Variants in CA9 observed in about 807,000 individuals in gnomAD.
CA9 encodes the protein CA-IX.
CA9 carries 43 observed loss-of-function variants against 51.8 expected under a neutral mutation model. The observed-to-expected ratio is 0.83, with a 90% CI of 0.65 to 1.07. CA9 has a LOEUF of 1.07. CA9 is among the 50% of genes least tolerant of loss of function. The pLI is 0.00. For missense variants in CA9, 574 were observed against 581.4 expected, an observed-to-expected ratio of 0.99 and a Z score of 0.13; for synonymous variants, 253 against 244.2, an observed-to-expected ratio of 1.04 and a Z score of -0.34.
rs548055098 is a variant in CA9, at chr9:35,680,804, C to A, written c.1289C>A (p.Ala430Glu). The change falls in exon 10 of 11, where the codon GCG becomes GAG. Residue 430 changes from alanine (A) to glutamate (E), a missense_variant. Physicochemically the swap from Ala to Glu is moderately radical, Grantham distance 107. Coordinates refer to ENST00000378357, the MANE Select transcript of CA9 (RefSeq NM_001216.3). ...FGLLFAVTSV[A>E]FLVQMRRQHR... is the part of the protein sequence containing the mutation. ...CTCCTTTTTGCTGTCACCAGCGTCG[C>A]GTTCCTTGTGCAGATGAGAAGGCAG... 6.2e-7 allele frequency: 1 copy of A among 1,614,232 alleles called. No individual in the cohort carries two copies. The highest frequency in any genetic ancestry group is 1.1e-5 in the South Asian group (1 of 91,088).
chr9:35,679,064 C>T (rs2857802), intron 6 of CA9, 121 bp from the exon 7 acceptor site: 621,405 of 1,034,182 alleles, frequency 0.6, 188,739 homozygotes, highest in Non-Finnish European at 0.62. Flanking sequence ...CTGCACTTAG[C>T]GAAGAAGTGG....
At position 35,675,387 on chromosome 9, in the gene CA9, G is replaced by A. The variant is rs576129590; in HGVS notation, c.404-151G>A. The A allele has an allele frequency of 1.2e-5, 9 of 764,972 alleles. No homozygotes were observed. In the East Asian group the frequency reaches 2.1e-4, roughly 18 times the overall value. 47.4% of individuals were successfully genotyped at this position (764,972 alleles called of 1,614,324 possible). A position where few individuals can be genotyped will look rare whatever the true frequency, so the allele number is the denominator to read the frequency against. On this transcript the variant is annotated intron_variant, in intron 1 of 10. Transcript: ENST00000378357. ...CACCCAGCTGCGGTGTTGAGTTTGG[G>A]TGCGGTCTCCTGTGCTTTGCACCTG...
chr9:35,679,150 T>G, intron 6 of CA9, 35 bp from the exon 7 acceptor site: 1 of 1,612,920 alleles, frequency 6.2e-7, no homozygotes, highest in Non-Finnish European at 8.5e-7. Flanking sequence ...GGGGGTGCAA[T>G]GTAGATGAGA....
chr9:35,674,426 AG>A (rs1824378602), intron 1 of CA9, 64 bp downstream of exon 1: 1 of 1,484,138 alleles, frequency 6.7e-7, no homozygotes, highest in African/African-American at 1.4e-5. Flanking sequence ...CCCATACCCC[AG>A]CCTAGGCTCT....
intron 1 of CA9, 169 bp from the exon 2 acceptor site, chr9:35,675,369 C>A (rs1284466855): frequency 5.9e-6 from 4 of 681,448 alleles, no homozygotes; most frequent in Admixed American, 2.4e-5. Context: ...GCCCACCCAG[C>A]TGCGGTGTTG....
chr9:35,680,791 G>T lies in CA9; in HGVS notation c.1276G>T (p.Val426Phe). ...CCTGGTTTTTGGCCTCCTTTTTGCT[G>T]TCACCAGCGTCGCGTTCCTTGTGCA... is the stretch of plus-strand genomic sequence containing the variant. ...LALVFGLLFAVTSVAFLVQMR... is the reference protein window; with the variant it reads ...LALVFGLLFAFTSVAFLVQMR... Residue 426 changes from valine (V) to phenylalanine (F), a missense_variant, in exon 10 of 11, where the codon GTC becomes TTC. By Grantham distance (50) the Val-to-Phe change is conservative. Coordinates refer to ENST00000378357, the MANE Select transcript of CA9 (RefSeq NM_001216.3). 6.2e-7 allele frequency: 1 copy of T among 1,614,214 alleles called. No individual in the cohort carries two copies. The highest frequency in any genetic ancestry group is 8.5e-7 in the Non-Finnish European group (1 of 1,180,044).
chr9:35,677,762 T>C, intron 5 of CA9, 28 bp from the exon 6 acceptor site: 1 of 1,593,638 alleles, frequency 6.3e-7, no homozygotes, highest in South Asian at 1.1e-5. Flanking sequence ...ATACATGCAC[T>C]CATCTGTCTT....
Position 35,674,240 on chromosome 9 carries a change from A to T in CA9, c.281A>T (p.Asp94Val). The T allele has an allele frequency of 6.2e-7, 1 of 1,607,812 alleles. No homozygotes were observed. Among genetic ancestry groups the T allele is most frequent in the Non-Finnish European group, 8.5e-7 (1 of 1,178,018 alleles). ...GAGGAGGATCTACCTGGAGAGGAGGATCTACCTGAAGTTAAGCCTAAATCA... is the reference window on the plus strand; with the variant it reads ...GAGGAGGATCTACCTGGAGAGGAGGTTCTACCTGAAGTTAAGCCTAAATCA... The part of the protein sequence containing the change: ...PGEEDLPGEE[D>V]LPEVKPKSEE... The change falls in exon 1 of 11, where the codon GAT becomes GTT. Residue 94 changes from aspartate to valine, a missense_variant. Transcript: ENST00000378357.
chr9:35,675,690 C>A (rs527555798), intron 2 of CA9, 71 bp from the exon 3 acceptor site: 72 of 1,478,568 alleles, frequency 4.9e-5, no homozygotes, highest in Non-Finnish European at 6.7e-5. Context: ...CACCCCCTCA[C>A]CTTTTCTACC....
At chr9:35,675,978 G>A (rs1260684511) in intron 3 of CA9, 47 bp downstream of exon 3, 3 of 1,600,686 alleles carry the variant, frequency 1.9e-6, no homozygotes, top group African/African-American at 1.3e-5. Context: ...CGGGGCGCAG[G>A]GAAGGGAACC....
chr9:35,680,686 CA>C, intron 9 of CA9, 66 bp from the exon 10 acceptor site: 1 of 1,303,632 alleles, frequency 7.7e-7, no homozygotes, highest in East Asian at 2.3e-5. Context: ...TGCACTGAGG[CA>C]GGTGTTGAGG....
At chr9:35,679,408 A>G in intron 7 of CA9, 66 bp downstream of exon 7, 1 of 1,541,898 alleles carries the variant, frequency 6.5e-7, no homozygotes, top group Non-Finnish European at 8.8e-7. Context: ...GAGATGAGAA[A>G]CAGGAGAAGA....
chr9:35,680,199 C>T, intron 9 of CA9, 60 bp downstream of exon 9: 1 of 1,592,414 alleles, frequency 6.3e-7, no homozygotes, highest in Non-Finnish European at 8.6e-7. Flanking sequence ...CATTCAGCCC[C>T]AGGGCTGCTC....
Position 35,679,372 on chromosome 9 carries a change from G to A in CA9, c.1065+30G>A, listed in dbSNP as rs149751972. The A allele has an allele frequency of 2.6e-4, 408 of 1,589,190 alleles. 3 individuals are homozygous for A. The African/African-American group carries it at 4.2e-3, about 16-fold the overall frequency. ...GCCTGGGGTGTGTGTGGACACAGTGGGTGCGGGGGAAAGAGGATGTAAGAT... is the reference window on the plus strand; with the variant it reads ...GCCTGGGGTGTGTGTGGACACAGTGAGTGCGGGGGAAAGAGGATGTAAGAT... On this transcript the variant is annotated intron_variant, in intron 7 of 10. Coordinates refer to ENST00000378357, the MANE Select transcript of CA9 (RefSeq NM_001216.3).
intron 1 of CA9, chr9:35,675,280 C>G (rs1357644274): frequency 5.7e-5 from 32 of 559,984 alleles, no homozygotes; most frequent in Non-Finnish European, 1.0e-4. Flanking sequence ...AGGCGTGAGC[C>G]ACAGCGCCTG....
chr9:35,679,790 G>A lies in CA9; in HGVS notation c.1066-64G>A, dbSNP rs574121097. On this transcript the variant is annotated intron_variant, in intron 7 of 10. Transcript: ENST00000378357. ...AGCCCTGAGGTGCTGGTTGTGAGCT[G>A]GCCTGGGACCCTTGTTTCCTGTCAT... 7 of 1,506,912 alleles carry A rather than the reference G, an allele frequency of 4.6e-6. No homozygotes were observed. The East Asian group carries it at 1.6e-4, about 34-fold the overall frequency. The allele number at this position is 1,506,912 out of a possible 1,614,324, so 93.3% of individuals were successfully genotyped here.
In CA9 at chr9:35,675,840, C is replaced by A. The variant is rs776635903; in HGVS notation, c.513C>A (p.Ala171=). The A allele has an allele frequency of 1.9e-6, 3 of 1,604,384 alleles. No individual in the cohort carries two copies. In the East Asian group the frequency reaches 6.7e-5, roughly 36 times the overall value. ...CGGTGGATATCCGCCCCCAGCTCGCCGCCTTCTGCCCGGCCCTGCGCCCCC... is the reference window on the plus strand; with the variant it reads ...CGGTGGATATCCGCCCCCAGCTCGCAGCCTTCTGCCCGGCCCTGCGCCCCC... ...QSPVDIRPQL[A]AFCPALRPLE... The change falls in exon 3 of 11, where the codon GCC becomes GCA. Residue 171 remains alanine (A), a synonymous_variant. Coordinates refer to ENST00000378357, the MANE Select transcript of CA9 (RefSeq NM_001216.3).
At chr9:35,675,440 A>G (rs374024449) in intron 1 of CA9, 98 bp from the exon 2 acceptor site, 3 of 1,366,412 alleles carry the variant, frequency 2.2e-6, no homozygotes. Flanking sequence ...GTTACCCGTA[A>G]TGCTCCTGTA....
chr9:35,679,409 C>A (rs1359287418), intron 7 of CA9, 67 bp downstream of exon 7: 12 of 1,541,324 alleles, frequency 7.8e-6, no homozygotes, highest in Admixed American at 6.1e-5. Context: ...AGATGAGAAA[C>A]AGGAGAAGAA....
Sources: gnomAD v4.1 joint callset for allele counts on GRCh38, gnomAD v4.1.1 for gene constraint, MANE v1.5 for transcripts, NCBI Gene and HGNC (gene_info 2026-07-23, HGNC 2026-07-21) for gene names.